The following PDE5A variants were observed in gnomAD, a reference collection of about 807,000 sequenced individuals.
The protein encoded by PDE5A is cGMP-specific 3',5'-cyclic phosphodiesterase.
A neutral mutation model predicts 110.2 loss-of-function variants in PDE5A; 67 were observed. That is an observed-to-expected ratio of 0.61 (90% CI 0.50 to 0.75). The LOEUF is 0.75. PDE5A is among the 30% of genes least tolerant of loss of function. The pLI is 0.00. For synonymous variants in PDE5A, 328 were observed against 351.2 expected (o/e 0.93, Z 0.74); for missense variants, 862 against 1,045.1 (o/e 0.82, Z 2.42).
Position 119,495,101 on chromosome 4 carries a change from TAGA to T in PDE5A, c.*3497_*3499del. On this transcript the variant is annotated 3_prime_UTR_variant, in exon 21 of 21. Coordinates refer to ENST00000354960, the MANE Select transcript of PDE5A (RefSeq NM_001083.4). ...AAAAGACAGGATGTTTGTTTACTGGTAGATTCTTAGTAAGTTTCAGGTAAAGAA... is the reference window on the plus strand; with the variant it reads ...AAAAGACAGGATGTTTGTTTACTGGTTTCTTAGTAAGTTTCAGGTAAAGAA... 2.0e-5 allele frequency: 3 copies of T among 152,494 alleles called. No individual in the cohort carries two copies. The South Asian group carries it at 6.2e-4, about 32-fold the overall frequency. 9.4% of individuals were successfully genotyped at this position (152,494 alleles called of 1,614,324 possible). A position where few individuals can be genotyped will look rare whatever the true frequency, so the allele number is the denominator to read the frequency against.
At chr4:119,511,607 G>C (rs1342787156) in intron 14 of PDE5A, among the ~76,000 whole-genome samples, 1 of 152,098 alleles carries the variant, frequency 6.6e-6, no homozygotes, top group Admixed American at 6.6e-5. Context: ...GACTGACTGA[G>C]ATGGAATTAA....
rs201200862 is a variant in PDE5A, at chr4:119,542,647, G to A, written c.1397-13C>T. ...AGTTGGCAAACCCCTATAACAATCC[G>A]AGAAATTGAGCAAATGTTATTGTTG... is the stretch of plus-strand genomic sequence containing the variant. On this transcript the variant is annotated splice_polypyrimidine_tract_variant and intron_variant, in intron 9 of 20. Coordinates refer to ENST00000354960, the MANE Select transcript of PDE5A (RefSeq NM_001083.4). 3,112 of 1,605,852 alleles carry A rather than the reference G, an allele frequency of 1.9e-3. 6 individuals are homozygous for A. Among genetic ancestry groups the A allele is most frequent in the Non-Finnish European group, 2.4e-3 (2,852 of 1,173,550 alleles).
chr4:119,582,292 C>T (rs1728614053), intron 3 of PDE5A, among the ~76,000 whole-genome samples: 1 of 152,208 alleles, frequency 6.6e-6, no homozygotes, highest in Non-Finnish European at 1.5e-5. Context: ...ACTTTCTTTG[C>T]TCATCTATAA....
intron 15 of PDE5A, among the ~76,000 whole-genome samples, chr4:119,509,051 G>C (rs1725652583): frequency 6.6e-6 from 1 of 151,884 alleles, no homozygotes; most frequent in South Asian, 2.1e-4. Flanking sequence ...AGTTTTAGTG[G>C]AAACACACAG....
rs907300390 is a variant in PDE5A, at chr4:119,505,740, T to C, written c.2267+115A>G. 6.2e-6 allele frequency: 4 copies of C among 642,814 alleles called. 1 individual carries two copies. The highest frequency in any genetic ancestry group is 7.2e-5 in the Admixed American group (2 of 27,868). 39.8% of individuals were successfully genotyped at this position (642,814 alleles called of 1,614,324 possible). A position where few individuals can be genotyped will look rare whatever the true frequency, so the allele number is the denominator to read the frequency against. Reference sequence around the variant, plus strand: ...ACCCTCTGGAGAAATCTGACCGCTTTTAAGATCATCATATTGTAACAAATA... The same window carrying C: ...ACCCTCTGGAGAAATCTGACCGCTTCTAAGATCATCATATTGTAACAAATA... On this transcript the variant is annotated intron_variant, in intron 17 of 20. Coordinates refer to ENST00000354960, the MANE Select transcript of PDE5A (RefSeq NM_001083.4).
intron 1 of PDE5A, among the ~76,000 whole-genome samples, chr4:119,615,169 G>C (rs566982136): frequency 2.0e-5 from 3 of 152,118 alleles, no homozygotes; most frequent in African/African-American, 7.2e-5. Context: ...GTATGAATAG[G>C]ACAAGAAGTG....
Position 119,606,889 on chromosome 4 carries a change from C to G in PDE5A, c.561G>C (p.Leu187=). ...TGGAGCTGTCTTCACAGACAAGGAACAGGGAATAGCGGTCAGCAGATATCA... is the reference window on the plus strand; with the variant it reads ...TGGAGCTGTCTTCACAGACAAGGAAGAGGGAATAGCGGTCAGCAGATATCA... ...HGLISADRYS[L]FLVCEDSSND... is the part of the protein sequence containing the mutation. The change falls in exon 2 of 21, where the codon CTG becomes CTC. Residue 187 remains leucine, a synonymous_variant. Transcript: ENST00000354960. The G allele has an allele frequency of 6.2e-7, 1 of 1,614,194 alleles. No homozygotes were observed. Among genetic ancestry groups the G allele is most frequent in the Non-Finnish European group, 8.5e-7 (1 of 1,180,034 alleles).
chr4:119,502,430 CAT>C, intron 19 of PDE5A, 149 bp downstream of exon 19: 1 of 523,134 alleles, frequency 1.9e-6, no homozygotes, highest in South Asian at 2.7e-5. Context: ...CTGTAATGAA[CAT>C]GTATAATTCT....
In PDE5A at chr4:119,507,592, C is replaced by T. The variant is rs202103751; in HGVS notation, c.2189+12G>A. 6.7e-7 allele frequency: 1 copy of T among 1,488,450 alleles called. No individual in the cohort carries two copies. Among genetic ancestry groups the T allele is most frequent in the Non-Finnish European group, 9.2e-7 (1 of 1,091,940 alleles). 92.2% of individuals were successfully genotyped at this position (1,488,450 alleles called of 1,614,324 possible). The stretch of plus-strand genomic sequence containing the variant: ...CAAATACCTATTTCTCAGGTTATTT[C>T]TTAAAACTTACTTAATGTACAGTGC... On this transcript the variant is annotated intron_variant, in intron 16 of 20. Coordinates refer to ENST00000354960, the MANE Select transcript of PDE5A (RefSeq NM_001083.4).
At chr4:119,624,926 C>G (rs556084305) in intron 1 of PDE5A, among the ~76,000 whole-genome samples, 1 of 152,012 alleles carries the variant, frequency 6.6e-6, no homozygotes, top group South Asian at 2.1e-4. Context: ...ATTTTTATGC[C>G]AACCGACTAT....
intron 1 of PDE5A, among the ~76,000 whole-genome samples, chr4:119,624,498 T>G (rs754859149): frequency 6.6e-5 from 10 of 152,194 alleles, no homozygotes; most frequent in Non-Finnish European, 1.3e-4. Flanking sequence ...AAGTCTATCA[T>G]AGAAAGCTAT....
rs1228867345 is a variant in PDE5A, at chr4:119,607,005, A to AAGAAGT, written c.444_445insACTTCT (p.Gln148_Cys149insThrSer). 1.2e-6 allele frequency: 2 copies of AAGAAGT among 1,614,226 alleles called. No homozygotes were observed. The highest frequency in any genetic ancestry group is 3.3e-5 in the Admixed American group (2 of 60,028). ...TTCACTAATTCCAAGAGTCTTGAGCACTGGTCCCCTTCATCATGATCAAAC... is the reference window on the plus strand; with the variant it reads ...TTCACTAATTCCAAGAGTCTTGAGCAAGAAGTCTGGTCCCCTTCATCATGATCAAAC... On this transcript the variant is annotated inframe_insertion, in exon 2 of 21. Coordinates refer to ENST00000354960, the MANE Select transcript of PDE5A (RefSeq NM_001083.4).
intron 20 of PDE5A, among the ~76,000 whole-genome samples, chr4:119,500,564 A>G (rs1326018828): frequency 1.3e-5 from 2 of 152,136 alleles, no homozygotes; most frequent in African/African-American, 4.8e-5. Flanking sequence ...TTTCCAAATA[A>G]TTAAAACTTA....
In PDE5A at chr4:119,511,094, T is replaced by C; in HGVS notation, c.2041A>G (p.Met681Val). Residue 681 changes from methionine (M) to valine (V), a missense_variant, in exon 15 of 21, where the codon ATG becomes GTG. Met to Val is a conservative substitution (Grantham distance 21, BLOSUM62 1). Transcript: ENST00000354960. ...PLAQLYCHSI[M>V]EHHHFDQCLM... is the part of the protein sequence containing the mutation. ...CACTGGTCAAAATGATGGTGTTCCA[T>C]GATTGAATGGCAGTAAAGCTGGGCA... 6.2e-7 allele frequency: 1 copy of C among 1,611,080 alleles called. No individual in the cohort carries two copies. Among genetic ancestry groups the C allele is most frequent in the Admixed American group, 1.7e-5 (1 of 59,956 alleles).
chr4:119,593,410 A>G (rs1729047777), intron 3 of PDE5A, among the ~76,000 whole-genome samples: 1 of 152,252 alleles, frequency 6.6e-6, no homozygotes, highest in African/African-American at 2.4e-5. Context: ...AAAAAGGTAC[A>G]AACTACTGAT....
Position 119,519,604 on chromosome 4 carries a change from T to G in PDE5A, c.1906-465A>C, listed in dbSNP as rs186745417. 5.8e-4 allele frequency: 89 copies of G among 153,692 alleles called. 2 individuals carry two copies. Among genetic ancestry groups the G allele is most frequent in the Admixed American group, 4.5e-3 (69 of 15,366 alleles). The allele number at this position is 153,692 out of a possible 1,614,324, so 9.5% of individuals were successfully genotyped here. On this transcript the variant is annotated intron_variant, in intron 13 of 20. Coordinates refer to ENST00000354960, the MANE Select transcript of PDE5A (RefSeq NM_001083.4). Reference sequence around the variant, plus strand: ...AAATGAAAACTTGGCTTTAAAAAGTTACATAATATACTCTCAAGCTAAATA... The same window carrying G: ...AAATGAAAACTTGGCTTTAAAAAGTGACATAATATACTCTCAAGCTAAATA...
chr4:119,555,512 C>T (rs1727504083), intron 7 of PDE5A, among the ~76,000 whole-genome samples: 2 of 151,318 alleles, frequency 1.3e-5, no homozygotes, highest in Non-Finnish European at 2.9e-5. Context: ...AAATAAGAAG[C>T]TATAGTGAAC....
At position 119,607,100 on chromosome 4, in the gene PDE5A, T is replaced by A; in HGVS notation, c.350A>T (p.Asp117Val). 2 of 1,614,182 alleles carry A rather than the reference T, an allele frequency of 1.2e-6. No individual in the cohort carries two copies. The highest frequency in any genetic ancestry group is 2.2e-5 in the East Asian group (1 of 44,874). The change falls in exon 2 of 21, where the codon GAT becomes GTT. Residue 117 changes from aspartate (D) to valine (V), a missense_variant. By Grantham distance (152) the Asp-to-Val change is radical (BLOSUM62 -3). Coordinates refer to ENST00000354960, the MANE Select transcript of PDE5A (RefSeq NM_001083.4). ...DRPLRPIVVK[D>V]SEGTVSFLSD... The stretch of plus-strand genomic sequence containing the variant: ...GAGGAAGCTCACAGTTCCCTCAGAA[T>A]CCTTGACAACAATGGGTCTAAGAGG...
intron 2 of PDE5A, among the ~76,000 whole-genome samples, chr4:119,605,195 C>T (rs540840711): frequency 1.3e-5 from 2 of 152,304 alleles, no homozygotes; most frequent in African/African-American, 2.4e-5. Flanking sequence ...GCTCCCACAG[C>T]TCCTTCATGT....
Sources: gnomAD v4.1 joint callset for allele counts (sites outside exome capture counted in the v4.1 genomes callset) on GRCh38, gnomAD v4.1.1 for gene constraint, MANE v1.5 for transcripts, NCBI Gene and HGNC (gene_info 2026-07-23, HGNC 2026-07-21) for gene names.